The following VPS13C variants were observed in gnomAD, a reference collection of about 807,000 sequenced individuals.
VPS13C encodes the protein vacuolar protein sorting 13 homolog C.
In VPS13C, 358 loss-of-function variants were observed where a neutral mutation model predicts 456.8. The ratio of observed to expected loss-of-function variants is 0.78; its 90% confidence interval spans 0.72 to 0.86. VPS13C has a LOEUF of 0.86. Ranked by LOEUF, VPS13C falls within the 40% of genes least tolerant of loss-of-function variation. VPS13C has a pLI of 0.00. For synonymous variants in VPS13C, 1,578 were observed against 1,486.7 expected, an observed-to-expected ratio of 1.06 and a Z score of -1.41; for missense variants, 4,818 against 4,385.4, an observed-to-expected ratio of 1.10 and a Z score of -2.79.
Position 61,966,388 on chromosome 15 carries a change from A to G in VPS13C, c.2992-246T>C, listed in dbSNP as rs2045377679. Among the ~76,000 whole-genome samples, 5 of 152,002 alleles carry G rather than the reference A, an allele frequency of 3.3e-5. No homozygotes were observed. In the South Asian group the frequency reaches 1.0e-3, roughly 32 times the overall value. On this transcript the variant is annotated intron_variant, in intron 29 of 84. Transcript: ENST00000644861. ...TGGGAAACTGTAGCTAAGAATCAGA[A>G]TGACAAACTCTGAAGGTTGTAAGGT... is the stretch of plus-strand genomic sequence containing the variant.
chr15:61,956,704 A>G (rs1257871265), intron 37 of VPS13C, among the ~76,000 whole-genome samples: 1 of 152,166 alleles, frequency 6.6e-6, no homozygotes, highest in Non-Finnish European at 1.5e-5. Context: ...AAAGGTGATC[A>G]CCTTCACCAG....
intron 55 of VPS13C, among the ~76,000 whole-genome samples, chr15:61,921,395 T>C (rs975694086): frequency 2.6e-5 from 4 of 152,072 alleles, no homozygotes; most frequent in Non-Finnish European, 5.9e-5. Context: ...TCTAGGTTTC[T>C]GAGGTGTTCT....
intron 82 of VPS13C, among the ~76,000 whole-genome samples, chr15:61,860,666 T>C (rs1277838014): frequency 6.6e-6 from 1 of 152,190 alleles, no homozygotes; most frequent in Non-Finnish European, 1.5e-5. Flanking sequence ...TTTGGGAAGA[T>C]GATGACAGTA....
At chr15:61,893,756 G>C (rs935372994) in intron 66 of VPS13C, among the ~76,000 whole-genome samples, 4 of 151,952 alleles carry the variant, frequency 2.6e-5, no homozygotes, top group Admixed American at 1.3e-4. Flanking sequence ...GGACTTAAAA[G>C]TGTAGCATTT....
In VPS13C at chr15:61,907,286, A is replaced by T. The variant is rs1253985989; in HGVS notation, c.9083T>A (p.Val3028Asp). ...RKLTWTYAAN[V>D]GEHDLLKDGC... ...TACCTTTAACAGATCATGTTCCCCA[A>T]CATTTGCTGCATATGTCCATGTAAG... The change falls in exon 66 of 85, where the codon GTT becomes GAT. Residue 3028 changes from valine (V) to aspartate (D), a missense_variant. Val to Asp is a radical substitution (Grantham distance 152). Around this residue, in one of 3 missense-constraint regions of VPS13C, gnomAD observed 4,552 missense variants for 4,130.6 expected, o/e 1.10. Transcript: ENST00000644861. 1.2e-6 allele frequency: 2 copies of T among 1,613,916 alleles called. No homozygotes were observed. Among genetic ancestry groups the T allele is most frequent in the Admixed American group, 1.7e-5 (1 of 60,010 alleles).
At chr15:62,056,279 T>C (rs887162797) in intron 1 of VPS13C, among the ~76,000 whole-genome samples, 5 of 152,154 alleles carry the variant, frequency 3.3e-5, no homozygotes, top group African/African-American at 1.2e-4. Context: ...CATTAATCAT[T>C]AGTTTGCAGT....
intron 40 of VPS13C, 119 bp downstream of exon 40, chr15:61,950,825 AC>A (rs1350067247): frequency 2.9e-6 from 2 of 686,742 alleles, no homozygotes; most frequent in African/African-American, 3.6e-5. Context: ...TGCAAAATTC[AC>A]CATAATCAAT....
intron 8 of VPS13C, among the ~76,000 whole-genome samples, chr15:62,022,493 A>G (rs187698680): frequency 7.9e-5 from 12 of 151,896 alleles, no homozygotes; most frequent in Non-Finnish European, 1.8e-4. Context: ...TTATTAACAA[A>G]GGCATTTATG....
At chr15:61,936,546 T>C (rs763566092) in intron 48 of VPS13C, 51 bp downstream of exon 48, 11 of 1,465,772 alleles carry the variant, frequency 7.5e-6, no homozygotes, top group African/African-American at 7.1e-5. Context: ...AATATAAATA[T>C]GACATTAACA....
intron 1 of VPS13C, among the ~76,000 whole-genome samples, chr15:62,055,403 A>ATTTTT (rs35306432): frequency 1.7e-5 from 2 of 115,966 alleles, no homozygotes; most frequent in Non-Finnish European, 3.7e-5. Context: ...AATTTTTTGT[A>ATTTTT]TTTTTTTTTT....
chr15:61,881,915 T>TC, intron 69 of VPS13C, 87 bp from the exon 70 acceptor site: 1 of 1,181,554 alleles, frequency 8.5e-7, no homozygotes, highest in Admixed American at 2.9e-5. Context: ...AGGCCACCAC[T>TC]TTCATCATAA....
At position 62,060,271 on chromosome 15, in the gene VPS13C, T is replaced by C. The variant is rs2048957355; in HGVS notation, c.100+4A>G. The C allele has an allele frequency of 6.3e-7, 1 of 1,599,640 alleles. No individual in the cohort carries two copies. On this transcript the variant is annotated splice_donor_region_variant and intron_variant, in intron 1 of 84. Transcript: ENST00000644861. The stretch of plus-strand genomic sequence containing the variant: ...CAGCCCACTGGCCGCGCCCTCTCGC[T>C]TACCGCCCCAGATGCCCAGCTTCAG...
chr15:61,889,922 C>CA (rs2042600334), intron 67 of VPS13C, among the ~76,000 whole-genome samples: 1 of 151,916 alleles, frequency 6.6e-6, no homozygotes, highest in Non-Finnish European at 1.5e-5. Context: ...AGGAAAGAAA[C>CA]AAACCACTTT....
Position 61,881,638 on chromosome 15 carries a change from A to G in VPS13C, c.9707-6T>C. 1 of 1,612,210 alleles carries G rather than the reference A, an allele frequency of 6.2e-7. No homozygotes were observed. Among genetic ancestry groups the G allele is most frequent in the Non-Finnish European group, 8.5e-7 (1 of 1,179,144 alleles). On this transcript the variant is annotated splice_region_variant and splice_polypyrimidine_tract_variant and intron_variant, in intron 70 of 84. Transcript: ENST00000644861. ...ATCAATGAAAGGCTTGGGCTCTAAG[A>G]GGAAGAAGTAACACATAAAAAAAAA...
rs746819519 is a variant in VPS13C at position 61,881,809 on chromosome 15, C to T, written c.9644G>A (p.Gly3215Asp). Residue 3215 changes from glycine to aspartate, a missense_variant, in exon 70 of 85, where the codon GGT (glycine) becomes GAT (aspartate). Transcript: ENST00000644861. ...YWLQVDNQLP[G>D]AMFPVVFHPV... Reference sequence around the variant, plus strand: ...ATGAAATACAACAGGGAACATTGCACCTGGTAACTGATTATCAACCTGAAA... The same window carrying T: ...ATGAAATACAACAGGGAACATTGCATCTGGTAACTGATTATCAACCTGAAA... The T allele has an allele frequency of 1.9e-5, 30 of 1,596,098 alleles. No homozygotes were observed. Among genetic ancestry groups the T allele is most frequent in the Non-Finnish European group, 2.3e-5 (27 of 1,175,622 alleles).
At chr15:61,913,437 G>A (rs368737865) in intron 61 of VPS13C, 22 bp from the exon 62 acceptor site, 75 of 1,578,526 alleles carry the variant, frequency 4.8e-5, no homozygotes, top group South Asian at 2.6e-4. Flanking sequence ...AGCACATATC[G>A]TCATATAAGA....
In VPS13C at chr15:61,926,634, AACTGACT is replaced by A. The variant is rs2043858797; in HGVS notation, c.6516+450_6516+456del. Among the ~76,000 whole-genome samples, 3 of 152,370 alleles carry A rather than the reference AACTGACT, an allele frequency of 2.0e-5. No individual in the cohort carries two copies. The South Asian group carries it at 6.2e-4, about 32-fold the overall frequency. On this transcript the variant is annotated intron_variant, in intron 52 of 84. Coordinates refer to ENST00000644861, the MANE Select transcript of VPS13C (RefSeq NM_020821.3). ...CTAGAAAATAATTGGTGTGGTAATT[AACTGACT>A]AAAATCATATGTTTCGATAATAATA...
chr15:61,869,755 T>A lies in VPS13C; in HGVS notation c.10625-132A>T, dbSNP rs1002432662. 9.1e-6 allele frequency: 13 copies of A among 1,436,234 alleles called. No homozygotes were observed. The Admixed American group carries it at 1.2e-4, about 13-fold the overall frequency. 89.0% of individuals were successfully genotyped at this position (1,436,234 alleles called of 1,614,324 possible). A position where few individuals can be genotyped will look rare whatever the true frequency, so the allele number is the denominator to read the frequency against. ...ACAAAAATTTGGCTTTCTAAAGAAGTTAAATGTAATCCTAATGTGATAAAA... is the reference window on the plus strand; with the variant it reads ...ACAAAAATTTGGCTTTCTAAAGAAGATAAATGTAATCCTAATGTGATAAAA... On this transcript the variant is annotated intron_variant, in intron 79 of 84. Coordinates refer to ENST00000644861, the MANE Select transcript of VPS13C (RefSeq NM_020821.3).
In VPS13C at chr15:61,931,146, T is replaced by C; in HGVS notation, c.5982A>G (p.Lys1994=). 6.2e-7 allele frequency: 1 copy of C among 1,614,156 alleles called. No homozygotes were observed. The highest frequency in any genetic ancestry group is 8.5e-7 in the Non-Finnish European group (1 of 1,180,036). The stretch of plus-strand genomic sequence containing the variant: ...GATCATCAAGGGTGCATGTCTTAAG[T>C]TTAACGCTGACATTCATTGAGCCAT... The part of the protein sequence containing the change: ...FKDGSMNVSV[K]LKTCTLDDLR... The change falls in exon 50 of 85, where the codon AAA becomes AAG. Residue 1994 remains lysine, a synonymous_variant. Transcript: ENST00000644861.
Sources: allele counts gnomAD v4.1 joint callset (sites outside exome capture counted in the v4.1 genomes callset), GRCh38; gene constraint gnomAD v4.1.1; regional missense constraint gnomAD v4.1.1; transcripts MANE v1.5; gene names NCBI Gene and HGNC (gene_info 2026-07-23, HGNC 2026-07-21).